The following CLVS1 variants were observed in gnomAD, a reference collection of about 807,000 sequenced individuals.
The protein encoded by CLVS1 is clavesin-1.
A neutral mutation model predicts 33.1 loss-of-function variants in CLVS1; 10 were observed. The ratio of observed to expected loss-of-function variants is 0.30; its 90% confidence interval spans 0.19 to 0.51. The LOEUF is 0.51. Among genes scored for constraint, CLVS1 ranks in the 20% least tolerant of loss-of-function variants. CLVS1 has a pLI of 0.97. For synonymous variants in CLVS1, 163 were observed against 166.1 expected, an observed-to-expected ratio of 0.98 and a Z score of 0.14; for missense variants, 343 against 433.4, an observed-to-expected ratio of 0.79 and a Z score of 1.85.
chr8:61,159,074 T>C (rs1806703427), intron 2 of CLVS1, among the ~76,000 whole-genome samples: 1 of 152,142 alleles, frequency 6.6e-6, no homozygotes, highest in African/African-American at 2.4e-5. Flanking sequence ...GGTGTCACTT[T>C]ATTGCCCAGG....
intron 2 of CLVS1, among the ~76,000 whole-genome samples, chr8:61,226,741 CT>C (rs1197571750): frequency 6.6e-6 from 1 of 152,064 alleles, no homozygotes; most frequent in Non-Finnish European, 1.5e-5. Context: ...AACACTGAGG[CT>C]GGGGAGGGAA....
chr8:61,417,680 G>A (rs571416650), intron 3 of CLVS1, among the ~76,000 whole-genome samples: 1 of 152,114 alleles, frequency 6.6e-6, no homozygotes, highest in Non-Finnish European at 1.5e-5. Context: ...ATATCTTATG[G>A]CATCTTCCAA....
chr8:61,297,891 A>G (rs1810276522), intron 1 of CLVS1, among the ~76,000 whole-genome samples: 1 of 152,194 alleles, frequency 6.6e-6, no homozygotes, highest in African/African-American at 2.4e-5. Context: ...GCTCACCTAC[A>G]GTAGCTGCTC....
chr8:60,976,144 C>T, the CLVS1 span, among the ~76,000 whole-genome samples: 5 of 152,120 alleles, frequency 3.3e-5, no homozygotes, highest in Admixed American at 6.5e-5. Context: ...AAGTTACCAG[C>T]ATATTTCATA....
At chr8:61,489,991 C>T (rs370251759) in intron 5 of CLVS1, among the ~76,000 whole-genome samples, 1 of 152,160 alleles carries the variant, frequency 6.6e-6, no homozygotes, top group East Asian at 1.9e-4. Context: ...TTAAGTAGCA[C>T]GTGGCAGCTC....
At chr8:61,341,600 G>GC (rs769919693) in intron 2 of CLVS1, among the ~76,000 whole-genome samples, 6 of 152,182 alleles carry the variant, frequency 3.9e-5, no homozygotes, top group Non-Finnish European at 5.9e-5. Flanking sequence ...TCCTGGGAAT[G>GC]CACACCTCCG....
At chr8:61,253,311 C>A (rs1431006360) in intron 2 of CLVS1, among the ~76,000 whole-genome samples, 2 of 152,136 alleles carry the variant, frequency 1.3e-5, no homozygotes, top group South Asian at 4.1e-4. Context: ...GATGGACTTC[C>A]CTTTATGGGT....
chr8:61,344,745 C>T (rs1812144674), intron 2 of CLVS1, among the ~76,000 whole-genome samples: 2 of 152,232 alleles, frequency 1.3e-5, no homozygotes, highest in South Asian at 4.2e-4. Context: ...GTACTTTTTC[C>T]CTTTTTGAAG....
intron 1 of CLVS1, among the ~76,000 whole-genome samples, chr8:61,100,751 C>T (rs1805433752): frequency 6.6e-6 from 1 of 152,140 alleles, no homozygotes; most frequent in South Asian, 2.1e-4. Context: ...AGCACCCTCT[C>T]CCACAACCCT....
chr8:61,288,571 G>A (rs1461871969), intron 1 of CLVS1, among the ~76,000 whole-genome samples: 1 of 152,228 alleles, frequency 6.6e-6, no homozygotes, highest in Non-Finnish European at 1.5e-5. Context: ...AAGGGAAAGT[G>A]AAGGCAGGAG....
intron 2 of CLVS1, among the ~76,000 whole-genome samples, chr8:61,234,966 G>T (rs1808525326): frequency 6.6e-6 from 1 of 152,118 alleles, no homozygotes; most frequent in Non-Finnish European, 1.5e-5. Context: ...ACAGTTCTAG[G>T]CAACTTTGGA....
upstream of CLVS1, among the ~76,000 whole-genome samples, chr8:61,284,457 T>C (rs930292356): frequency 7.2e-5 from 11 of 152,210 alleles, no homozygotes; most frequent in Non-Finnish European, 1.3e-4. Context: ...ACAATGAATA[T>C]ACGTATCAAA....
chr8:61,000,933 C>A, the CLVS1 span, among the ~76,000 whole-genome samples: 1 of 152,154 alleles, frequency 6.6e-6, no homozygotes, highest in Non-Finnish European at 1.5e-5. Context: ...AATCTCTGAG[C>A]CTCTGACTCA....
intron 1 of CLVS1, among the ~76,000 whole-genome samples, chr8:61,100,547 C>T (rs542839469): frequency 2.8e-4 from 42 of 152,050 alleles, no homozygotes; most frequent in African/African-American, 1.0e-3. Flanking sequence ...CTTCTTTTTT[C>T]AAAAACAGCT....
At position 61,497,382 on chromosome 8, in the gene CLVS1, C is replaced by T. The variant is rs116108963; in HGVS notation, c.978-2073C>T. 8.0e-3 allele frequency among the ~76,000 whole-genome samples: 1,194 copies of T among 149,090 alleles called. 15 individuals are homozygous for T. Among genetic ancestry groups the T allele is most frequent in the African/African-American group, 0.028 (1,130 of 40,460 alleles). On this transcript the variant is annotated intron_variant, in intron 5 of 5. Coordinates refer to ENST00000325897, the MANE Select transcript of CLVS1 (RefSeq NM_173519.3). The stretch of plus-strand genomic sequence containing the variant: ...TTCTCTTAGCAATGATGTGTGACAA[C>T]ATCTGCAAAGTGTTGTCAACCAAGG...
At chr8:60,996,163 A>T in the CLVS1 span, among the ~76,000 whole-genome samples, 3 of 148,650 alleles carry the variant, frequency 2.0e-5, no homozygotes, top group Non-Finnish European at 3.0e-5. Context: ...AAAGTATAAT[A>T]AAAAAAAAAT....
intron 3 of CLVS1, among the ~76,000 whole-genome samples, chr8:61,452,979 T>C (rs1012324309): frequency 6.6e-6 from 1 of 151,196 alleles, no homozygotes; most frequent in Non-Finnish European, 1.5e-5. Context: ...TCCTTGTTAC[T>C]AAAAACGACC....
chr8:60,981,932 G>C, the CLVS1 span, among the ~76,000 whole-genome samples: 2 of 152,364 alleles, frequency 1.3e-5, no homozygotes, highest in Middle Eastern at 3.4e-3. Flanking sequence ...AACAGCCAAG[G>C]CTGGTGGTGT....
intron 1 of CLVS1, among the ~76,000 whole-genome samples, chr8:61,296,855 A>G (rs1810231964): frequency 6.6e-6 from 1 of 152,150 alleles, no homozygotes; most frequent in African/African-American, 2.4e-5. Context: ...TTTTGGCCAC[A>G]CCCTGTATCA....
Sources: gnomAD v4.1 joint callset for allele counts (sites outside exome capture counted in the v4.1 genomes callset) on GRCh38, gnomAD v4.1.1 for gene constraint, MANE v1.5 for transcripts, NCBI Gene and HGNC (gene_info 2026-07-23, HGNC 2026-07-21) for gene names.